Variants in C5 observed in about 807,000 individuals in gnomAD.
C5 encodes complement C5.
In C5, 140 loss-of-function variants were observed where a neutral mutation model predicts 218.8. The ratio of observed to expected loss-of-function variants is 0.64; its 90% CI spans 0.56 to 0.74. C5 has a LOEUF of 0.74. C5 is among the 30% of genes least tolerant of loss of function. The pLI, the probability that C5 is intolerant of heterozygous loss-of-function variation, is 0.00. For synonymous variants in C5, 614 were observed against 682.3 expected, an observed-to-expected ratio of 0.90 and a Z score of 1.56; for missense variants, 1,700 against 1,969.6, an observed-to-expected ratio of 0.86 and a Z score of 2.59.
In C5 at chr9:120,980,246, GTCGATTT is replaced by G. The variant is rs766625537; in HGVS notation, c.3488_3494del (p.Lys1163ThrfsTer4). The G allele has an allele frequency of 6.2e-7, 1 of 1,613,978 alleles. No individual in the cohort carries two copies. Among genetic ancestry groups the G allele is most frequent in the Admixed American group, 1.7e-5 (1 of 60,028 alleles). ...AGTTGTCAGCTTTAATTAGAGCTGT[GTCGATTT>G]TCTGGAAACAAGAGAAGATACTTCA... On this transcript the variant is annotated frameshift_variant and splice_region_variant, in exon 28 of 41. Transcript: ENST00000223642. LOFTEE classifies it high-confidence loss of function.
Position 120,990,579 on chromosome 9 carries a change from C to T in C5, c.2941+612G>A, listed in dbSNP as rs41311875. Among the ~76,000 whole-genome samples, 1,081 of 152,212 alleles carry T rather than the reference C, an allele frequency of 7.1e-3. 14 individuals are homozygous for T. Among genetic ancestry groups the T allele is most frequent in the African/African-American group, 0.025 (1,034 of 41,514 alleles). On this transcript the variant is annotated intron_variant, in intron 23 of 40. Transcript: ENST00000223642. The stretch of plus-strand genomic sequence containing the variant: ...CGAGGTAAGAGGAAGTTCTTCACCC[C>T]TTTTTGCCCTTTTGCCTTTCCACTT...
In C5 at chr9:121,002,142, A is replaced by G. The variant is rs1342417715; in HGVS notation, c.2562+3777T>C. On this transcript the variant is annotated intron_variant, in intron 20 of 40. Transcript: ENST00000223642. The stretch of plus-strand genomic sequence containing the variant: ...AGTGTGTGTATATATATATATATGT[A>G]TGTATATATGTATAGATATGTACAT... Among the ~76,000 whole-genome samples the G allele has an allele frequency of 2.0e-5, 3 of 147,970 alleles. 1 individual carries two copies. In the East Asian group the frequency reaches 5.8e-4, roughly 29 times the overall value.
chr9:121,013,816 A>C (rs1200263239), intron 17 of C5, 57 bp downstream of exon 17: 2 of 1,458,186 alleles, frequency 1.4e-6, no homozygotes, highest in African/African-American at 1.4e-5. Flanking sequence ...TAGCAGCATA[A>C]AATTACACAA....
the C5 span, among the ~76,000 whole-genome samples, chr9:121,058,719 G>A: frequency 3.9e-5 from 6 of 152,314 alleles, no homozygotes; most frequent in South Asian, 6.2e-4. Flanking sequence ...GATTACAGGC[G>A]TGAGCCACCA....
chr9:121,030,908 G>A (rs1031452416), intron 6 of C5, among the ~76,000 whole-genome samples: 1 of 152,136 alleles, frequency 6.6e-6, no homozygotes, highest in African/African-American at 2.4e-5. Flanking sequence ...AGTCCAGGAG[G>A]GAGAGTGCTG....
At chr9:120,964,914 A>G (rs1294920914) in intron 33 of C5, among the ~76,000 whole-genome samples, 12 of 152,174 alleles carry the variant, frequency 7.9e-5, no homozygotes, top group African/African-American at 2.9e-4. Context: ...GCTACCATTA[A>G]GAGATGTTAG....
At chr9:120,986,153 T>C (rs1303335214) in intron 25 of C5, among the ~76,000 whole-genome samples, 1 of 152,108 alleles carries the variant, frequency 6.6e-6, no homozygotes, top group Non-Finnish European at 1.5e-5. Context: ...CCACCAACCT[T>C]AGTCTCTTGA....
chr9:121,034,553 T>C (rs2047506521), intron 5 of C5, among the ~76,000 whole-genome samples: 1 of 152,232 alleles, frequency 6.6e-6, no homozygotes, highest in South Asian at 2.1e-4. Context: ...ATGTTTTTTA[T>C]GACAAAAAAA....
At chr9:121,016,751 T>G (rs2047310686) in intron 14 of C5, among the ~76,000 whole-genome samples, 1 of 152,212 alleles carries the variant, frequency 6.6e-6, no homozygotes, top group African/African-American at 2.4e-5. Flanking sequence ...AGAAATTAAT[T>G]TTAAGTTGCT....
intron 13 of C5, 32 bp from the exon 14 acceptor site, chr9:121,017,543 A>G (rs758395214): frequency 1.2e-5 from 19 of 1,611,696 alleles, no homozygotes; most frequent in Non-Finnish European, 1.6e-5. Flanking sequence ...AAAAGAAAAG[A>G]TCATTTGTAT....
chr9:121,012,438 C>T (rs1260309558), intron 17 of C5, among the ~76,000 whole-genome samples: 6 of 151,948 alleles, frequency 3.9e-5, no homozygotes, highest in African/African-American at 1.2e-4. Context: ...TGCTTGAACC[C>T]GGGAGGCGGA....
intron 37 of C5, among the ~76,000 whole-genome samples, chr9:120,960,865 T>C (rs1043571287): frequency 6.6e-6 from 1 of 151,868 alleles, no homozygotes; most frequent in Middle Eastern, 3.4e-3. Context: ...AAGGGGGAAA[T>C]TTTCCATTTT....
In C5 at chr9:120,976,641, T is replaced by C. The variant is rs1045008281; in HGVS notation, c.3864+59A>G. 2.9e-6 allele frequency: 4 copies of C among 1,356,526 alleles called. No individual in the cohort carries two copies. In the Admixed American group the frequency reaches 5.0e-5, roughly 17 times the overall value. The allele number at this position is 1,356,526 out of a possible 1,614,324, so 84.0% of individuals were successfully genotyped here. On this transcript the variant is annotated intron_variant, in intron 29 of 40. Transcript: ENST00000223642. ...CAAAGGCATGGAGGCCAGATGAGTGTGGTGGGGGAGAAAATAAAAATGTCT... is the reference window on the plus strand; with the variant it reads ...CAAAGGCATGGAGGCCAGATGAGTGCGGTGGGGGAGAAAATAAAAATGTCT...
Position 120,968,853 on chromosome 9 carries a change from AACAG to A in C5, c.4220+204_4220+207del, listed in dbSNP as rs1289253966. Among the ~76,000 whole-genome samples the A allele has an allele frequency of 8.5e-5, 13 of 152,340 alleles. No individual in the cohort carries two copies. In the South Asian group the frequency reaches 1.0e-3, roughly 12 times the overall value. ...TTACACTGTTTGAATCAGAAGACAAAACAGACAGAGAAAACTATTATGAGCAAAA... is the reference window on the plus strand; with the variant it reads ...TTACACTGTTTGAATCAGAAGACAAAACAGAGAAAACTATTATGAGCAAAA... On this transcript the variant is annotated intron_variant, in intron 33 of 40. Coordinates refer to ENST00000223642, the MANE Select transcript of C5 (RefSeq NM_001735.3).
Position 121,037,907 on chromosome 9 carries a change from T to C in C5, c.466A>G (p.Lys156Glu), listed in dbSNP as rs1333422218. 1.3e-6 allele frequency: 2 copies of C among 1,528,056 alleles called. No individual in the cohort carries two copies. Among genetic ancestry groups the C allele is most frequent in the Admixed American group, 1.7e-5 (1 of 58,756 alleles). The allele number at this position is 1,528,056 out of a possible 1,614,324, so 94.7% of individuals were successfully genotyped here. A position where few individuals can be genotyped will look rare whatever the true frequency, so the allele number is the denominator to read the frequency against. Residue 156 changes from lysine (K) to glutamate (E), a missense_variant, in exon 4 of 41, where the codon AAA becomes GAA. Transcript: ENST00000223642. ...ATGAAAGTTAAGACAGTTTCTCTTT[T>C]GGCTGGCTTCAAGTCGTCATTCAAC... ...YSLNDDLKPA[K>E]RETVLTFIDP... is the part of the protein sequence containing the mutation.
intron 16 of C5, among the ~76,000 whole-genome samples, chr9:121,014,827 A>C (rs1343166519): frequency 6.6e-6 from 1 of 152,182 alleles, no homozygotes; most frequent in South Asian, 2.1e-4. Context: ...ATGAAATAGA[A>C]GTAATAGACT....
At chr9:120,980,914 T>C (rs2046988265) in intron 27 of C5, among the ~76,000 whole-genome samples, 1 of 152,128 alleles carries the variant, frequency 6.6e-6, no homozygotes, top group Non-Finnish European at 1.5e-5. Flanking sequence ...CAACTTTTAT[T>C]GTTCCCTCTC....
intron 40 of C5, among the ~76,000 whole-genome samples, chr9:120,953,145 C>T (rs934756402): frequency 1.3e-5 from 2 of 152,108 alleles, no homozygotes; most frequent in African/African-American, 2.4e-5. Context: ...ACGATGGTCT[C>T]GATCTCCTGA....
chr9:121,004,201 T>C (rs2047196260), intron 20 of C5, among the ~76,000 whole-genome samples: 1 of 152,106 alleles, frequency 6.6e-6, no homozygotes, highest in African/African-American at 2.4e-5. Flanking sequence ...ATTTTATTTC[T>C]ATATTTAATA....
Sources: gnomAD v4.1 joint callset for allele counts (sites outside exome capture counted in the v4.1 genomes callset) on GRCh38, gnomAD v4.1.1 for gene constraint, MANE v1.5 for transcripts, NCBI Gene and HGNC (gene_info 2026-07-23, HGNC 2026-07-21) for gene names.